Variants in GLG1 observed in about 807,000 individuals in gnomAD.
GLG1 encodes the protein golgi glycoprotein 1, also known as Golgi apparatus protein 1.
A neutral mutation model predicts 160.5 loss-of-function variants in GLG1; 38 were observed. The ratio of observed to expected loss-of-function variants is 0.24; its 90% CI spans 0.18 to 0.31. The LOEUF is 0.31. Among genes scored for constraint, GLG1 ranks in the 10% least tolerant of loss-of-function variants. GLG1 has a pLI of 1.00. For missense variants in GLG1, 1,373 were observed against 1,505.2 expected (o/e 0.91, Z 1.45); for synonymous variants, 644 against 543.4 (o/e 1.19, Z -2.57).
intron 1 of GLG1, among the ~76,000 whole-genome samples, chr16:74,550,833 G>A (rs1221687600): frequency 6.6e-6 from 1 of 152,158 alleles, no homozygotes; most frequent in Non-Finnish European, 1.5e-5. Context: ...GCTACATTTT[G>A]ATAATGCTGA....
At chr16:74,464,975 A>G (rs369785465) in intron 19 of GLG1, among the ~76,000 whole-genome samples, 33 of 152,204 alleles carry the variant, frequency 2.2e-4, no homozygotes, top group East Asian at 1.5e-3. Context: ...AATAGCTGGG[A>G]CTACAGGCAT....
In GLG1 at chr16:74,546,837, C is replaced by CAAAAAAAAAAAAAA. The variant is rs71376218; in HGVS notation, c.439-14698_439-14685dup. ...TGGGCGACAGAGTGAGACTCCATCT[C>CAAAAAAAAAAAAAA]AAAAAAAAAAAAAAAAAAAGGATCC... On this transcript the variant is annotated intron_variant, in intron 1 of 25. Transcript: ENST00000422840. 1.0e-3 allele frequency among the ~76,000 whole-genome samples: 61 copies of CAAAAAAAAAAAAAA among 59,690 alleles called. 4 individuals carry two copies. Among genetic ancestry groups the CAAAAAAAAAAAAAA allele is most frequent in the African/African-American group, 3.9e-3 (51 of 13,146 alleles). 39.2% of individuals were successfully genotyped at this position (59,690 alleles called of 152,430 possible). A position where few individuals can be genotyped will look rare whatever the true frequency, so the allele number is the denominator to read the frequency against.
intron 7 of GLG1, 29 bp from the exon 8 acceptor site, chr16:74,491,244 CGAAGG>C: frequency 6.7e-7 from 1 of 1,489,304 alleles, no homozygotes; most frequent in Non-Finnish European, 9.4e-7. Context: ...CATAACATTA[CGAAGG>C]GTGATGCTAT....
intron 22 of GLG1, among the ~76,000 whole-genome samples, chr16:74,460,686 A>G (rs139979017): frequency 8.5e-5 from 13 of 152,204 alleles, no homozygotes; most frequent in African/African-American, 2.9e-4. Context: ...CCCTCCTCCT[A>G]TATTGGATGC....
At chr16:74,546,025 A>G (rs2018034568) in intron 1 of GLG1, among the ~76,000 whole-genome samples, 1 of 152,250 alleles carries the variant, frequency 6.6e-6, no homozygotes, top group African/African-American at 2.4e-5. Context: ...ACAAAGCAGT[A>G]TAAAAGGAAG....
At chr16:74,536,961 T>C (rs2017703764) in intron 1 of GLG1, among the ~76,000 whole-genome samples, 2 of 152,218 alleles carry the variant, frequency 1.3e-5, no homozygotes, top group South Asian at 2.1e-4. Context: ...TATCTGGAGA[T>C]AGAAGTCTGG....
At position 74,449,125 on chromosome 16, in the gene GLG1, GC is replaced by G. The variant is rs1462189388; in HGVS notation, c.*4041del. ...AGAAACAAAACAAAAAACCAAAAAA[GC>G]CATTACGGCCAAAATTTAGGCTGAC... On this transcript the variant is annotated 3_prime_UTR_variant, in exon 26 of 26. Coordinates refer to ENST00000422840, the MANE Select transcript of GLG1 (RefSeq NM_001145667.2). 4.6e-5 allele frequency: 7 copies of G among 152,346 alleles called. No homozygotes were observed. In the East Asian group the frequency reaches 1.3e-3, roughly 29 times the overall value. 9.4% of individuals were successfully genotyped at this position (152,346 alleles called of 1,614,324 possible).
rs1008339123 is a variant in GLG1, at chr16:74,452,370, T to C, written c.*797A>G. On this transcript the variant is annotated 3_prime_UTR_variant, in exon 26 of 26. Coordinates refer to ENST00000422840, the MANE Select transcript of GLG1 (RefSeq NM_001145667.2). ...CGGGACTCAGGATCCAGCCTCTCAG[T>C]GCAGATGGATGGACTGTTCAACTTC... 6.7e-6 allele frequency: 9 copies of C among 1,340,884 alleles called. No individual in the cohort carries two copies. Among genetic ancestry groups the C allele is most frequent in the Non-Finnish European group, 8.6e-6 (9 of 1,040,538 alleles). The allele number at this position is 1,340,884 out of a possible 1,614,324, so 83.1% of individuals were successfully genotyped here.
At chr16:74,604,917 C>T (rs756459864) in intron 1 of GLG1, among the ~76,000 whole-genome samples, 14 of 152,078 alleles carry the variant, frequency 9.2e-5, no homozygotes, top group African/African-American at 2.4e-4. Context: ...GGCGTGGTGG[C>T]GCTCGCCTGT....
At chr16:74,546,317 T>G (rs2018044713) in intron 1 of GLG1, among the ~76,000 whole-genome samples, 1 of 152,190 alleles carries the variant, frequency 6.6e-6, no homozygotes, top group African/African-American at 2.4e-5. Context: ...CATGTGCCTG[T>G]AGTCCCAGCT....
intron 1 of GLG1, among the ~76,000 whole-genome samples, chr16:74,549,338 G>C (rs544845963): frequency 9.3e-4 from 142 of 151,950 alleles, no homozygotes; most frequent in African/African-American, 3.1e-3. Context: ...CTGTTGCCCA[G>C]GCTGAAGTGC....
At chr16:74,496,236 C>A (rs2016181652) in intron 5 of GLG1, among the ~76,000 whole-genome samples, 1 of 152,050 alleles carries the variant, frequency 6.6e-6, no homozygotes, top group Non-Finnish European at 1.5e-5. Context: ...CCACTGCACT[C>A]CAGCCTGGGC....
chr16:74,453,364 T>C, intron 25 of GLG1, 30 bp from the exon 26 acceptor site: 7 of 1,501,070 alleles, frequency 4.7e-6, no homozygotes, highest in Non-Finnish European at 5.6e-6. Context: ...TGTGATTCTC[T>C]GAGAGAGCAC....
At chr16:74,454,867 A>G (rs2014472234) in intron 25 of GLG1, among the ~76,000 whole-genome samples, 2 of 151,344 alleles carry the variant, frequency 1.3e-5, no homozygotes, top group Admixed American at 6.6e-5. Context: ...ATTATATCAT[A>G]AGCATTTCCC....
intron 18 of GLG1, 33 bp from the exon 19 acceptor site, chr16:74,465,846 A>T: frequency 1.2e-6 from 2 of 1,602,240 alleles, no homozygotes; most frequent in Non-Finnish European, 1.7e-6. Flanking sequence ...AAGTTGAGAG[A>T]TGTCAGAGAC....
chr16:74,492,952 G>C lies in GLG1; in HGVS notation c.1234+5C>G. Reference sequence around the variant, plus strand: ...TGATAATTAAAAAAAAAATATGAATGCTACCTCTGTGTACAGCTGACTCCA... The same window carrying C: ...TGATAATTAAAAAAAAAATATGAATCCTACCTCTGTGTACAGCTGACTCCA... On this transcript the variant is annotated splice_donor_5th_base_variant and intron_variant, in intron 7 of 25. Transcript: ENST00000422840. 6.4e-7 allele frequency: 1 copy of C among 1,554,714 alleles called. No homozygotes were observed. The highest frequency in any genetic ancestry group is 8.7e-7 in the Non-Finnish European group (1 of 1,149,414).
At chr16:74,575,306 TCA>T (rs1400693720) in intron 1 of GLG1, among the ~76,000 whole-genome samples, 7 of 152,064 alleles carry the variant, frequency 4.6e-5, no homozygotes, top group Non-Finnish European at 1.0e-4. Context: ...ACTGTCTGAA[TCA>T]CACACTGATT....
chr16:74,519,380 TG>T (rs2017087675), intron 2 of GLG1, among the ~76,000 whole-genome samples: 1 of 152,108 alleles, frequency 6.6e-6, no homozygotes, highest in Non-Finnish European at 1.5e-5. Context: ...AAATACCTAA[TG>T]TAGGTGACAG....
In GLG1 at chr16:74,448,633, T is replaced by A. The variant is rs572671695; in HGVS notation, c.*4534A>T. On this transcript the variant is annotated 3_prime_UTR_variant, in exon 26 of 26. Coordinates refer to ENST00000422840, the MANE Select transcript of GLG1 (RefSeq NM_001145667.2). ...CAGGCATGGTGGTGCATGCCCGTAA[T>A]CCCAACTACTTGGGAGGCTGAGGCA... 5 of 150,498 alleles carry A rather than the reference T, an allele frequency of 3.3e-5. No individual in the cohort carries two copies. In the East Asian group the frequency reaches 9.9e-4, roughly 30 times the overall value. The allele number at this position is 150,498 out of a possible 1,614,324, so 9.3% of individuals were successfully genotyped here.
Sources: gnomAD v4.1 joint callset for allele counts (sites outside exome capture counted in the v4.1 genomes callset) on GRCh38, gnomAD v4.1.1 for gene constraint, MANE v1.5 for transcripts, NCBI Gene and HGNC (gene_info 2026-07-23, HGNC 2026-07-21) for gene names.